The following ALDH1A2 variants were observed in gnomAD, a reference collection of about 807,000 sequenced individuals.
ALDH1A2 encodes the protein aldehyde dehydrogenase 1 family member A2.
Under a neutral mutation model 60.3 loss-of-function variants are expected in ALDH1A2, and 27 were observed. The observed-to-expected ratio is 0.45, with a 90% CI of 0.33 to 0.62. The LOEUF (loss-of-function observed/expected upper bound fraction) is 0.62, where lower values mean the gene tolerates loss of function less well. Among genes scored for constraint, ALDH1A2 ranks in the 20% least tolerant of loss-of-function variants. The pLI, the probability that ALDH1A2 is intolerant of heterozygous loss-of-function variation, is 0.02. For missense variants in ALDH1A2, 581 were observed against 643.8 expected (o/e 0.90, Z 1.06); for synonymous variants, 289 against 232.4 (o/e 1.24, Z -2.21).
At chr15:58,023,387 CAA>C (rs1419650856) in intron 1 of ALDH1A2, among the ~76,000 whole-genome samples, 1 of 152,054 alleles carries the variant, frequency 6.6e-6, no homozygotes, top group African/African-American at 2.4e-5. Flanking sequence ...AAACAAGAAA[CAA>C]AGATGAAAAC....
intron 7 of ALDH1A2, among the ~76,000 whole-genome samples, chr15:57,967,863 C>T (rs1207390122): frequency 1.3e-5 from 2 of 152,170 alleles, no homozygotes; most frequent in African/African-American, 4.8e-5. Context: ...TCAGTAAAGG[C>T]CCTGTTCTCA....
intron 1 of ALDH1A2, among the ~76,000 whole-genome samples, chr15:58,047,009 G>A (rs1896655500): frequency 6.6e-6 from 1 of 151,986 alleles, no homozygotes; most frequent in Admixed American, 6.6e-5. Context: ...GGCCACTTTT[G>A]CAACAGGAAA....
At chr15:57,981,830 GC>G (rs1241636904) in intron 7 of ALDH1A2, among the ~76,000 whole-genome samples, 3 of 152,164 alleles carry the variant, frequency 2.0e-5, no homozygotes, top group Admixed American at 2.0e-4. Flanking sequence ...AGATATACTA[GC>G]TTTTCTTAGT....
chr15:58,029,166 G>GT (rs1896161257), intron 1 of ALDH1A2, among the ~76,000 whole-genome samples: 1 of 152,136 alleles, frequency 6.6e-6, no homozygotes, highest in Admixed American at 6.6e-5. Flanking sequence ...CTCAGCAAAT[G>GT]TAAAAGAACA....
intron 1 of ALDH1A2, among the ~76,000 whole-genome samples, chr15:58,024,512 A>C (rs570906298): frequency 2.0e-5 from 3 of 152,284 alleles, no homozygotes; most frequent in African/African-American, 7.2e-5. Flanking sequence ...CAACAAGAGA[A>C]TATAAAATCT....
chr15:58,009,076 C>T (rs544752108), intron 4 of ALDH1A2, among the ~76,000 whole-genome samples: 1 of 152,242 alleles, frequency 6.6e-6, no homozygotes, highest in African/African-American at 2.4e-5. Flanking sequence ...TTTCTAAAAA[C>T]TAACATTCCA....
chr15:57,978,088 T>C (rs1894332083), intron 7 of ALDH1A2, among the ~76,000 whole-genome samples: 1 of 152,182 alleles, frequency 6.6e-6, no homozygotes, highest in African/African-American at 2.4e-5. Flanking sequence ...TAAGGAGATT[T>C]TGGGCTGAGA....
intron 1 of ALDH1A2, among the ~76,000 whole-genome samples, chr15:58,054,209 G>C (rs1325382544): frequency 6.6e-6 from 1 of 151,948 alleles, no homozygotes; most frequent in African/African-American, 2.4e-5. Flanking sequence ...GAAACACCAA[G>C]GGAAGCAGAA....
At chr15:58,028,617 G>C (rs1261687680) in intron 1 of ALDH1A2, among the ~76,000 whole-genome samples, 1 of 152,138 alleles carries the variant, frequency 6.6e-6, no homozygotes, top group Non-Finnish European at 1.5e-5. Flanking sequence ...AAATTGGATA[G>C]AGTCAAGACC....
chr15:57,990,435 G>A (rs1262969113), intron 7 of ALDH1A2: 1 of 152,146 alleles, frequency 6.6e-6, no homozygotes, highest in Non-Finnish European at 1.5e-5. Context: ...ACCCTCAAGT[G>A]TACATTAATA....
At chr15:58,005,778 T>A (rs924113844) in intron 4 of ALDH1A2, among the ~76,000 whole-genome samples, 1 of 151,918 alleles carries the variant, frequency 6.6e-6, no homozygotes, top group Non-Finnish European at 1.5e-5. Flanking sequence ...TGACACTCAC[T>A]ATGAAAGCCC....
chr15:58,057,795 G>A (rs1271665479), intron 1 of ALDH1A2, among the ~76,000 whole-genome samples: 1 of 151,990 alleles, frequency 6.6e-6, no homozygotes, highest in Non-Finnish European at 1.5e-5. Context: ...ATCTTTCTCT[G>A]CCAGAGTGAC....
chr15:57,962,709 A>C (rs528529932), intron 9 of ALDH1A2, among the ~76,000 whole-genome samples: 6 of 152,300 alleles, frequency 3.9e-5, no homozygotes, highest in Non-Finnish European at 2.9e-5. Flanking sequence ...TAGTCCAAAA[A>C]AAAACAAGGT....
intron 7 of ALDH1A2, among the ~76,000 whole-genome samples, chr15:57,986,188 G>A (rs1165558788): frequency 1.3e-5 from 2 of 152,090 alleles, no homozygotes; most frequent in African/African-American, 4.8e-5. Flanking sequence ...TTCAAACATT[G>A]GATATCAGGC....
At chr15:57,999,727 G>C (rs943028605) in intron 4 of ALDH1A2, among the ~76,000 whole-genome samples, 17 of 151,812 alleles carry the variant, frequency 1.1e-4, no homozygotes, top group African/African-American at 4.1e-4. Context: ...ATACCCAAAG[G>C]AATATAAATC....
At chr15:58,035,125 A>G (rs1020515845) in intron 1 of ALDH1A2, among the ~76,000 whole-genome samples, 2 of 151,520 alleles carry the variant, frequency 1.3e-5, no homozygotes, top group African/African-American at 4.8e-5. Flanking sequence ...TATTGATTCA[A>G]TTTCTTGAAC....
chr15:58,023,225 C>A (rs1484696200), intron 1 of ALDH1A2, among the ~76,000 whole-genome samples: 4 of 151,962 alleles, frequency 2.6e-5, no homozygotes, highest in Non-Finnish European at 5.9e-5. Context: ...TAGAACCAGG[C>A]AAAATAATTT....
In ALDH1A2 at chr15:57,983,667, T is replaced by A. The variant is rs191297149; in HGVS notation, c.798+9038A>T. On this transcript the variant is annotated intron_variant, in intron 7 of 12. Coordinates refer to ENST00000249750, the MANE Select transcript of ALDH1A2 (RefSeq NM_003888.4). ...AGTTTTGTCCTTGATCTTATCATCT[T>A]GAAAATCATGACATTTTTAGGTAAT... Among the ~76,000 whole-genome samples the A allele has an allele frequency of 1.6e-3, 250 of 152,348 alleles. 1 individual carries two copies. The highest frequency in any genetic ancestry group is 0.011 in the Admixed American group (163 of 15,304).
chr15:57,953,562 C>G lies in ALDH1A2; in HGVS notation c.*1635G>C, dbSNP rs1396065772. 2 of 152,722 alleles carry G rather than the reference C, an allele frequency of 1.3e-5. No individual in the cohort carries two copies. The highest frequency in any genetic ancestry group is 4.8e-5 in the African/African-American group (2 of 41,424). The allele number at this position is 152,722 out of a possible 1,614,324, so 9.5% of individuals were successfully genotyped here. A position where few individuals can be genotyped will look rare whatever the true frequency, so the allele number is the denominator to read the frequency against. On this transcript the variant is annotated 3_prime_UTR_variant, in exon 13 of 13. Transcript: ENST00000249750. ...TGGTTAGTGGCTATGTCCACTTGGA[C>G]ACATGCTACAGGAGGGCAGCATTCA...
Sources: allele counts gnomAD v4.1 joint callset (sites outside exome capture counted in the v4.1 genomes callset), GRCh38; gene constraint gnomAD v4.1.1; transcripts MANE v1.5; gene names NCBI Gene and HGNC (gene_info 2026-07-23, HGNC 2026-07-21).